Variants in STUM observed in about 807,000 individuals in gnomAD.
STUM encodes the protein stum, mechanosensory transduction mediator homolog, also known as protein stum homolog.
In STUM, 8 loss-of-function variants were observed where a neutral mutation model predicts 15.3. That is an observed-to-expected ratio of 0.52 (90% CI 0.31 to 0.94). The LOEUF (loss-of-function observed/expected upper bound fraction) is 0.94, where lower values mean the gene tolerates loss of function less well. Ranked by LOEUF, STUM falls within the 40% of genes least tolerant of loss-of-function variation. The probability of loss-of-function intolerance (pLI) is 0.05; values close to 1 mark genes in which losing one functional copy is unlikely to be tolerated. For synonymous variants in STUM, 78 were observed against 88.7 expected, an observed-to-expected ratio of 0.88 and a Z score of 0.68; for missense variants, 142 against 204.9, an observed-to-expected ratio of 0.69 and a Z score of 1.87.
intron 1 of STUM, among the ~76,000 whole-genome samples, chr1:226,559,987 A>G (rs924581558): frequency 1.3e-5 from 2 of 151,972 alleles, no homozygotes; most frequent in Admixed American, 6.6e-5. Flanking sequence ...AAAAAAAAAA[A>G]AATTAGCCAG....
In STUM at chr1:226,606,829, G is replaced by A. The variant is rs937773449; in HGVS notation, c.*4789G>A. On this transcript the variant is annotated 3_prime_UTR_variant, in exon 4 of 4. Coordinates refer to ENST00000366788, the MANE Select transcript of STUM (RefSeq NM_001003665.4). Reference sequence around the variant, plus strand: ...AGAGGGCTCAATGAGCAGCCAGGTAGTGGCCTCGGGCAGTCCTCACCAGGG... The same window carrying A: ...AGAGGGCTCAATGAGCAGCCAGGTAATGGCCTCGGGCAGTCCTCACCAGGG... 6.6e-6 allele frequency: 1 copy of A among 152,266 alleles called. No individual in the cohort carries two copies. The highest frequency in any genetic ancestry group is 6.5e-5 in the Admixed American group (1 of 15,292). The allele number at this position is 152,266 out of a possible 1,614,324, so 9.4% of individuals were successfully genotyped here.
chr1:226,568,037 C>T (rs1372460004), intron 1 of STUM, among the ~76,000 whole-genome samples: 4 of 152,136 alleles, frequency 2.6e-5, no homozygotes, highest in Admixed American at 6.5e-5. Context: ...GCCTGCACAC[C>T]GGCATCCCAC....
At chr1:226,597,046 G>A (rs1668193057) in intron 2 of STUM, 65 bp downstream of exon 2, 2 of 1,475,408 alleles carry the variant, frequency 1.4e-6, no homozygotes, top group Non-Finnish European at 1.9e-6. Flanking sequence ...AAGGGCTTGG[G>A]AGACCTTCAT....
chr1:226,569,908 T>A (rs1380989855), intron 1 of STUM, among the ~76,000 whole-genome samples: 1 of 152,160 alleles, frequency 6.6e-6, no homozygotes, highest in Admixed American at 6.5e-5. Context: ...GCATTTTTAA[T>A]CTGGAGCTGC....
At chr1:226,569,453 T>C (rs1165105775) in intron 1 of STUM, among the ~76,000 whole-genome samples, 1 of 152,144 alleles carries the variant, frequency 6.6e-6, no homozygotes, top group Non-Finnish European at 1.5e-5. Flanking sequence ...GCTGGTACAA[T>C]ACCTGGCTTG....
Position 226,602,353 on chromosome 1 carries a change from C to A in STUM, c.*313C>A. The A allele has an allele frequency of 2.6e-6, 1 of 390,478 alleles. No homozygotes were observed. The highest frequency in any genetic ancestry group is 4.7e-6 in the Non-Finnish European group (1 of 211,822). The allele number at this position is 390,478 out of a possible 1,614,324, so 24.2% of individuals were successfully genotyped here. ...CAGGCTCCAACTGGCCTTGCTGTAC[C>A]CACTGCCCACCGCAAAGGCACGCCA... On this transcript the variant is annotated 3_prime_UTR_variant, in exon 4 of 4. Transcript: ENST00000366788.
Position 226,549,226 on chromosome 1 carries a change from C to A in STUM, c.202+120C>A. The A allele has an allele frequency of 2.4e-6, 2 of 824,862 alleles. No homozygotes were observed. The highest frequency in any genetic ancestry group is 3.6e-6 in the Non-Finnish European group (2 of 548,344). The allele number at this position is 824,862 out of a possible 1,614,324, so 51.1% of individuals were successfully genotyped here. A position where few individuals can be genotyped will look rare whatever the true frequency, so the allele number is the denominator to read the frequency against. On this transcript the variant is annotated intron_variant, in intron 1 of 3. Transcript: ENST00000366788. This position sits in a 1 kb window ranked among gnomAD's most constrained non-coding sequence, Gnocchi z 6.8. ...CCGCGCGCTCCAAGTGCTGCGACCACGCGCCACCGCCCGCTCCTGGCGTCC... is the reference window on the plus strand; with the variant it reads ...CCGCGCGCTCCAAGTGCTGCGACCAAGCGCCACCGCCCGCTCCTGGCGTCC...
At chr1:226,594,574 C>T (rs1032548564) in intron 1 of STUM, among the ~76,000 whole-genome samples, 2 of 152,180 alleles carry the variant, frequency 1.3e-5, no homozygotes, top group Non-Finnish European at 2.9e-5. Flanking sequence ...GTCATTGTGA[C>T]CTTGGACAAG....
At chr1:226,562,169 T>C (rs1259967177) in intron 1 of STUM, among the ~76,000 whole-genome samples, 1 of 152,192 alleles carries the variant, frequency 6.6e-6, no homozygotes, top group African/African-American at 2.4e-5. Flanking sequence ...AATTTTGTGA[T>C]ATGAACATTG....
chr1:226,575,542 C>T (rs919585388), intron 1 of STUM, among the ~76,000 whole-genome samples: 29 of 152,142 alleles, frequency 1.9e-4, no homozygotes, highest in African/African-American at 7.0e-4. Context: ...TTGTGGGGAA[C>T]AGAGTGGGGG....
rs1426499184 is a variant in STUM at position 226,604,204 on chromosome 1, GGGT to G, written c.*2166_*2168del. 2.0e-5 allele frequency: 3 copies of G among 152,174 alleles called. No homozygotes were observed. Among genetic ancestry groups the G allele is most frequent in the Admixed American group, 6.5e-5 (1 of 15,276 alleles). 9.4% of individuals were successfully genotyped at this position (152,174 alleles called of 1,614,324 possible). The stretch of plus-strand genomic sequence containing the variant: ...CTTGGGCTGGGGGCGGCTGCTGAGG[GGGT>G]GAAGAAGAGATAGCAATTTATGTCG... On this transcript the variant is annotated 3_prime_UTR_variant, in exon 4 of 4. Transcript: ENST00000366788. This position sits in a 1 kb window ranked among gnomAD's most constrained non-coding sequence, Gnocchi z 4.7.
intron 1 of STUM, among the ~76,000 whole-genome samples, chr1:226,587,527 G>A (rs561293319): frequency 4.6e-5 from 7 of 152,178 alleles, no homozygotes; most frequent in African/African-American, 9.6e-5. Flanking sequence ...GCACCCCACC[G>A]TGTTCCCCTG....
chr1:226,583,872 A>G (rs1162502601), intron 1 of STUM, among the ~76,000 whole-genome samples: 1 of 152,210 alleles, frequency 6.6e-6, no homozygotes, highest in Non-Finnish European at 1.5e-5. Context: ...TAGATGCTAA[A>G]TGATTGCTGT....
Position 226,606,384 on chromosome 1 carries a change from G to A in STUM, c.*4344G>A, listed in dbSNP as rs928213763. ...TCCAACCCCTAGGCTTGAGGGTGGA[G>A]AGCCAGGCCTCCTCAGGGTCCCTTC... is the stretch of plus-strand genomic sequence containing the variant. On this transcript the variant is annotated 3_prime_UTR_variant, in exon 4 of 4. Transcript: ENST00000366788. The A allele has an allele frequency of 6.6e-6, 1 of 152,224 alleles. No homozygotes were observed. The highest frequency in any genetic ancestry group is 2.4e-5 in the African/African-American group (1 of 41,436). The allele number at this position is 152,224 out of a possible 1,614,324, so 9.4% of individuals were successfully genotyped here.
rs1416882084 is a variant in STUM at position 226,602,808 on chromosome 1, A to G, written c.*768A>G. ...AGACTGAAGCAGGAGTGGGCAGACTAGCAGGCTTTCACCCAATACTTAACA... is the reference window on the plus strand; with the variant it reads ...AGACTGAAGCAGGAGTGGGCAGACTGGCAGGCTTTCACCCAATACTTAACA... On this transcript the variant is annotated 3_prime_UTR_variant, in exon 4 of 4. Coordinates refer to ENST00000366788, the MANE Select transcript of STUM (RefSeq NM_001003665.4). 3 of 152,250 alleles carry G rather than the reference A, an allele frequency of 2.0e-5. No individual in the cohort carries two copies. Among genetic ancestry groups the G allele is most frequent in the Non-Finnish European group, 2.9e-5 (2 of 68,038 alleles). The allele number at this position is 152,250 out of a possible 1,614,324, so 9.4% of individuals were successfully genotyped here.
At chr1:226,596,137 T>C (rs1287712746) in intron 1 of STUM, among the ~76,000 whole-genome samples, 2 of 152,164 alleles carry the variant, frequency 1.3e-5, no homozygotes, top group Non-Finnish European at 2.9e-5. Flanking sequence ...GCTTGGCACC[T>C]TGTGGATGCT....
intron 1 of STUM, among the ~76,000 whole-genome samples, chr1:226,575,421 G>T (rs1243538862): frequency 8.5e-5 from 13 of 152,256 alleles, no homozygotes; most frequent in Non-Finnish European, 1.5e-5. Context: ...GCTCCAGCAG[G>T]CTGCCCTCCA....
intron 1 of STUM, among the ~76,000 whole-genome samples, chr1:226,556,725 A>G (rs1667451941): frequency 6.6e-6 from 1 of 152,162 alleles, no homozygotes; most frequent in Non-Finnish European, 1.5e-5. Context: ...AATGAAAATA[A>G]TAATCTCCGC....
At chr1:226,593,476 C>T (rs1335087287) in intron 1 of STUM, among the ~76,000 whole-genome samples, 1 of 152,154 alleles carries the variant, frequency 6.6e-6, no homozygotes, top group African/African-American at 2.4e-5. Flanking sequence ...CACTTTTACC[C>T]TTACAGGAGC....
Sources: gnomAD v4.1 joint callset for allele counts (sites outside exome capture counted in the v4.1 genomes callset) on GRCh38, gnomAD v4.1.1 for gene constraint, Gnocchi (gnomAD v3.1) non-coding constraint, MANE v1.5 for transcripts, NCBI Gene and HGNC (gene_info 2026-07-23, HGNC 2026-07-21) for gene names.